The following RXFP2 variants were observed in gnomAD, a reference collection of about 807,000 sequenced individuals.
RXFP2 encodes relaxin receptor 2.
RXFP2 carries 68 observed loss-of-function variants against 88.6 expected under a neutral mutation model. That is an observed-to-expected ratio of 0.77 (90% CI 0.63 to 0.94). The LOEUF (loss-of-function observed/expected upper bound fraction) is 0.94, where lower values mean the gene tolerates loss of function less well. RXFP2 is among the 40% of genes least tolerant of loss of function. The probability of loss-of-function intolerance (pLI) is 0.00; values close to 1 mark genes in which losing one functional copy is unlikely to be tolerated. For synonymous variants in RXFP2, 329 were observed against 306.8 expected (o/e 1.07, Z -0.76); for missense variants, 791 against 893.9 (o/e 0.88, Z 1.47).
intron 2 of RXFP2, among the ~76,000 whole-genome samples, chr13:31,758,785 C>CT (rs1228140878): frequency 2.2e-4 from 34 of 152,178 alleles, no homozygotes; most frequent in Non-Finnish European, 4.3e-4. Flanking sequence ...TGCCTATAAC[C>CT]CCAGCACTTT....
intron 17 of RXFP2, among the ~76,000 whole-genome samples, chr13:31,800,742 TG>T (rs1279186485): frequency 1.3e-5 from 2 of 152,170 alleles, no homozygotes; most frequent in African/African-American, 4.8e-5. Flanking sequence ...TCTGTGAGAT[TG>T]GGGTGGGATT....
intron 7 of RXFP2, 103 bp downstream of exon 7, chr13:31,775,492 C>T (rs1872907792): frequency 2.3e-6 from 2 of 883,498 alleles, no homozygotes; most frequent in South Asian, 1.4e-5. Context: ...TATTTTTATA[C>T]TTGCTTTTCT....
chr13:31,786,636 CTG>C lies in RXFP2; in HGVS notation c.1073+1_1073+2del. ...TGAAAGTCTTAAACAACTTCAGTCT[CTG>C]TAAGTGAAATATTACAATTATATTG... On this transcript the variant is annotated splice_donor_variant and coding_sequence_variant, in exon 13 of 18. Coordinates refer to ENST00000298386, the MANE Select transcript of RXFP2 (RefSeq NM_130806.5). LOFTEE classifies it high-confidence loss of function. 1 of 1,537,760 alleles carries C rather than the reference CTG, an allele frequency of 6.5e-7. No homozygotes were observed. Among genetic ancestry groups the C allele is most frequent in the East Asian group, 2.2e-5 (1 of 44,470 alleles).
chr13:31,792,154 G>A, intron 15 of RXFP2, 119 bp downstream of exon 15: 3 of 775,234 alleles, frequency 3.9e-6, no homozygotes, highest in Admixed American at 2.8e-5. Context: ...TACATCCTGG[G>A]CACATTTTTT....
intron 1 of RXFP2, among the ~76,000 whole-genome samples, chr13:31,754,853 C>G (rs1871860187): frequency 1.5e-5 from 2 of 131,504 alleles, no homozygotes. Flanking sequence ...ATTTTAGTCC[C>G]TATTATTTCT....
chr13:31,742,681 CA>C (rs1871265039), intron 1 of RXFP2, among the ~76,000 whole-genome samples: 2 of 152,164 alleles, frequency 1.3e-5, no homozygotes, highest in Non-Finnish European at 2.9e-5. Flanking sequence ...CTTGAAGTGA[CA>C]AAATTGCCTG....
chr13:31,779,196 G>T (rs1181695093), intron 9 of RXFP2, among the ~76,000 whole-genome samples: 1 of 150,852 alleles, frequency 6.6e-6, no homozygotes, highest in East Asian at 1.9e-4. Context: ...TGCGATCTCG[G>T]CTCACTGCAA....
intron 6 of RXFP2, 91 bp downstream of exon 6, chr13:31,774,782 A>G: frequency 1.3e-6 from 1 of 780,704 alleles, no homozygotes; most frequent in Non-Finnish European, 2.3e-6. Flanking sequence ...ACTTGATTGT[A>G]GGGAAGTGGG....
At chr13:31,772,490 GTA>G (rs1412977296) in intron 5 of RXFP2, among the ~76,000 whole-genome samples, 2 of 152,200 alleles carry the variant, frequency 1.3e-5, no homozygotes, top group Non-Finnish European at 2.9e-5. Flanking sequence ...TCGGTGTAAA[GTA>G]TATTAAATGG....
At chr13:31,767,621 A>G (rs2138419532) in intron 5 of RXFP2, among the ~76,000 whole-genome samples, 1 of 152,304 alleles carries the variant, frequency 6.6e-6, no homozygotes, top group African/African-American at 2.4e-5. Flanking sequence ...AAGTTTTAAG[A>G]ATTTCTAATT....
rs1593440510 is a variant in RXFP2 at position 31,740,412 on chromosome 13, C to T, written c.94+706C>T. ...ATTCATAAACAACCTATTAACCACA[C>T]CCAAGATTTGCTGGGGTTTATTATT... is the stretch of plus-strand genomic sequence containing the variant. On this transcript the variant is annotated intron_variant, in intron 1 of 17. Transcript: ENST00000298386. Among the ~76,000 whole-genome samples, 4 of 152,062 alleles carry T rather than the reference C, an allele frequency of 2.6e-5. No individual in the cohort carries two copies. In the South Asian group the frequency reaches 6.2e-4, roughly 24 times the overall value.
intron 3 of RXFP2, 25 bp from the exon 4 acceptor site, chr13:31,765,012 A>T: frequency 8.1e-7 from 1 of 1,240,614 alleles, no homozygotes; most frequent in East Asian, 2.3e-5. Flanking sequence ...TTACTAGTGA[A>T]ATCTTACTCT....
intron 9 of RXFP2, among the ~76,000 whole-genome samples, chr13:31,780,065 C>T (rs575078536): frequency 6.6e-6 from 1 of 152,288 alleles, no homozygotes; most frequent in African/African-American, 2.4e-5. Flanking sequence ...GGAGCTCAGC[C>T]TGCTCTCCCT....
intron 9 of RXFP2, among the ~76,000 whole-genome samples, chr13:31,779,250 C>T (rs1026352032): frequency 6.6e-6 from 1 of 151,842 alleles, no homozygotes; most frequent in Admixed American, 6.6e-5. Context: ...CTCAGCCTCC[C>T]GAGTATCTGG....
rs745485098 is a variant in RXFP2, at chr13:31,786,578, C to G, written c.1014C>G (p.Ser338=). The change falls in exon 13 of 18, where the codon TCC becomes TCG. Residue 338 remains serine (S), a synonymous_variant. Coordinates refer to ENST00000298386, the MANE Select transcript of RXFP2 (RefSeq NM_130806.5). The stretch of plus-strand genomic sequence containing the variant: ...GTAAAAAAAAAAGGAACCTGTCATC[C>G]AATCCTCTTATGTATCTTCACAAGA... ...LKLLQKLNLS[S]NPLMYLHKNQ... 8.1e-6 allele frequency: 13 copies of G among 1,599,352 alleles called. No individual in the cohort carries two copies. The highest frequency in any genetic ancestry group is 1.0e-5 in the Non-Finnish European group (12 of 1,168,694).
At chr13:31,772,357 T>C (rs981535268) in intron 5 of RXFP2, among the ~76,000 whole-genome samples, 9 of 152,220 alleles carry the variant, frequency 5.9e-5, no homozygotes, top group Non-Finnish European at 1.0e-4. Flanking sequence ...AACATGCATG[T>C]CATTAAAGCA....
chr13:31,765,998 T>A lies in RXFP2; in HGVS notation c.468T>A (p.Val156=), dbSNP rs1211394213. The part of the protein sequence containing the change: ...KNKIHSLPDK[V]FIKYTKLKKI... ...AAATCCACAGTCTTCCAGATAAAGTTTTCATCAAATACACAAAACTTAAAA... is the reference window on the plus strand; with the variant it reads ...AAATCCACAGTCTTCCAGATAAAGTATTCATCAAATACACAAAACTTAAAA... The change falls in exon 5 of 18, where the codon GTT becomes GTA. Residue 156 remains valine, a synonymous_variant. Coordinates refer to ENST00000298386, the MANE Select transcript of RXFP2 (RefSeq NM_130806.5). The A allele has an allele frequency of 6.5e-7, 1 of 1,548,138 alleles. No homozygotes were observed. The highest frequency in any genetic ancestry group is 2.3e-5 in the East Asian group (1 of 44,388).
At chr13:31,800,743 G>A (rs1485772999) in intron 17 of RXFP2, among the ~76,000 whole-genome samples, 1 of 152,174 alleles carries the variant, frequency 6.6e-6, no homozygotes, top group African/African-American at 2.4e-5. Context: ...CTGTGAGATT[G>A]GGGTGGGATT....
chr13:31,789,204 A>G lies in RXFP2; in HGVS notation c.1145+11A>G. The G allele has an allele frequency of 6.4e-7, 1 of 1,551,432 alleles. No homozygotes were observed. On this transcript the variant is annotated intron_variant, in intron 14 of 17. Coordinates refer to ENST00000298386, the MANE Select transcript of RXFP2 (RefSeq NM_130806.5). ...GAATCTTTCTCACATGTACGTATGTATAAAAAATGGAGGAGGAAGCATGGT... is the reference window on the plus strand; with the variant it reads ...GAATCTTTCTCACATGTACGTATGTGTAAAAAATGGAGGAGGAAGCATGGT...
Sources: allele counts gnomAD v4.1 joint callset (sites outside exome capture counted in the v4.1 genomes callset), GRCh38; gene constraint gnomAD v4.1.1; transcripts MANE v1.5; gene names NCBI Gene and HGNC (gene_info 2026-07-23, HGNC 2026-07-21).